RIBC1: variants seen among roughly 807,000 people sequenced by gnomAD.
RIBC1 encodes the protein RIB43A-like with coiled-coils protein 1.
In RIBC1, 12 loss-of-function variants were observed where a neutral mutation model predicts 33.7. The observed-to-expected ratio is 0.36, with a 90% confidence interval of 0.23 to 0.58. The LOEUF (loss-of-function observed/expected upper bound fraction) is 0.58. Ranked by LOEUF, RIBC1 falls within the 20% of genes least tolerant of loss-of-function variation. The pLI is 0.81. For synonymous variants in RIBC1, 89 were observed against 109.0 expected (o/e 0.82, Z 1.14); for missense variants, 242 against 311.6 (o/e 0.78, Z 1.68).
intron 3 of RIBC1, among the ~76,000 whole-genome samples, chrX:53,427,146 T>G (rs1308308161): frequency 8.9e-6 from 1 of 112,509 alleles, no homozygotes; most frequent in African/African-American, 3.2e-5. Context: ...GAGAAAATAT[T>G]GATAGTTTAA....
rs1423800723 is a variant in RIBC1, at chrX:53,423,376, C to G, written c.-27C>G. On this transcript the variant is annotated 5_prime_UTR_variant, in exon 2 of 8. Transcript: ENST00000375327. Reference sequence around the variant, plus strand: ...GCATGCAGAGCCAACCTAAGAGCTTCAAAATCGGGATTCCTTACTGAGAAA... The same window carrying G: ...GCATGCAGAGCCAACCTAAGAGCTTGAAAATCGGGATTCCTTACTGAGAAA... 8.9e-6 allele frequency: 1 copy of G among 112,098 alleles called. No individual in the cohort carries two copies. The highest frequency in any genetic ancestry group is 1.9e-5 in the Non-Finnish European group (1 of 53,192). The allele number at this position is 112,098 out of a possible 1,213,427, so 9.2% of individuals were successfully genotyped here.
At chrX:53,428,949 G>T in intron 5 of RIBC1, 1 of 502,049 alleles carries the variant, frequency 2.0e-6, no homozygotes, top group African/African-American at 2.3e-5. Flanking sequence ...TCTTTAAAAT[G>T]AGAATAATAA....
At position 53,428,438 on chromosome X, in the gene RIBC1, G is replaced by A; in HGVS notation, c.355G>A (p.Val119Ile). Residue 119 changes from valine (V) to isoleucine (I), a missense_variant, in exon 5 of 8, where the codon GTC becomes ATC. Physicochemically the swap from Val to Ile is conservative, Grantham distance 29. Coordinates refer to ENST00000375327, the MANE Select transcript of RIBC1 (RefSeq NM_001031745.5). ...REFSLWDPGQVWKGLPTYLSY... is the reference protein window; with the variant it reads ...REFSLWDPGQIWKGLPTYLSY... ...ATTTAGTCTTTGGGATCCAGGCCAA[G>A]TCTGGAAGGGGCTTCCAACCTATCT... The A allele has an allele frequency of 8.3e-7, 1 of 1,211,005 alleles. No individual in the cohort carries two copies. Among genetic ancestry groups the A allele is most frequent in the Non-Finnish European group, 1.1e-6 (1 of 895,006 alleles).
In RIBC1 at chrX:53,430,738, C is replaced by G; in HGVS notation, c.1006C>G (p.Gln336Glu). ...EQERELCAVF[Q>E]RGLGSFNQQL... ...GGAGAGGGAATTGTGTGCTGTATTT[C>G]AAAGGGGTCTAGGATCCTTCAACCA... Residue 336 changes from glutamine (Q) to glutamate (E), a missense_variant, in exon 7 of 8, where the codon CAA becomes GAA. Coordinates refer to ENST00000375327, the MANE Select transcript of RIBC1 (RefSeq NM_001031745.5). 8.3e-7 allele frequency: 1 copy of G among 1,204,329 alleles called. No individual in the cohort carries two copies. Among genetic ancestry groups the G allele is most frequent in the Non-Finnish European group, 1.1e-6 (1 of 891,386 alleles).
chrX:53,426,373 G>T lies in RIBC1; in HGVS notation c.97G>T (p.Val33Leu). Residue 33 changes from valine to leucine, a missense_variant, in exon 3 of 8, where the codon GTG becomes TTG. Val to Leu is a conservative substitution (Grantham distance 32, BLOSUM62 1). Transcript: ENST00000375327. The part of the protein sequence containing the change: ...EKERQNRFFN[V>L]RNRVMGVDVQ... ...AGAGCGACAAAACCGATTCTTCAATGTGCGGAACCGAGTCATGGGGGTGAG... is the reference window on the plus strand; with the variant it reads ...AGAGCGACAAAACCGATTCTTCAATTTGCGGAACCGAGTCATGGGGGTGAG... 1 of 1,196,576 alleles carries T rather than the reference G, an allele frequency of 8.4e-7. No individual in the cohort carries two copies. Among genetic ancestry groups the T allele is most frequent in the Non-Finnish European group, 1.1e-6 (1 of 884,240 alleles).
Position 53,428,633 on chromosome X carries a change from C to T in RIBC1, c.544+6C>T, listed in dbSNP as rs2075805183. 1.7e-6 allele frequency: 2 copies of T among 1,206,955 alleles called. No homozygotes were observed. The highest frequency in any genetic ancestry group is 1.8e-5 in the South Asian group (1 of 56,368). ...GGTTGATGAGAATTATACAGGTAAG[C>T]AGCCCGGCCCTCCAGACTCAGAGAC... On this transcript the variant is annotated splice_donor_region_variant and intron_variant, in intron 5 of 7. Coordinates refer to ENST00000375327, the MANE Select transcript of RIBC1 (RefSeq NM_001031745.5).
At chrX:53,429,562 G>C (rs1334833737) in intron 5 of RIBC1, 7 of 451,918 alleles carry the variant, frequency 1.5e-5, no homozygotes, top group African/African-American at 1.5e-4. Context: ...CCCAGCACAT[G>C]GCCCTTAGAC....
chrX:53,425,299 C>G (rs2075784953), intron 2 of RIBC1, among the ~76,000 whole-genome samples: 1 of 109,590 alleles, frequency 9.1e-6, no homozygotes, highest in Non-Finnish European at 1.9e-5. Flanking sequence ...CTTGAAAGCC[C>G]ACAGTAAGGA....
At chrX:53,427,772 T>A in intron 3 of RIBC1, among the ~76,000 whole-genome samples, 1 of 111,970 alleles carries the variant, frequency 8.9e-6, no homozygotes, top group Non-Finnish European at 1.9e-5. Flanking sequence ...CAGGGAACTG[T>A]AAGCACAGCT....
chrX:53,426,977 C>A (rs2075795332), intron 3 of RIBC1, among the ~76,000 whole-genome samples: 1 of 111,977 alleles, frequency 8.9e-6, no homozygotes, highest in Non-Finnish European at 1.9e-5. Context: ...CAGTGAGACC[C>A]TGTCTCAAAA....
At position 53,430,567 on chromosome X, in the gene RIBC1, C is replaced by A. The variant is rs1556894151; in HGVS notation, c.835C>A (p.Pro279Thr). The change falls in exon 7 of 8, where the codon CCA becomes ACA. Residue 279 changes from proline to threonine, a missense_variant. By Grantham distance (38) the Pro-to-Thr change is conservative. Transcript: ENST00000375327. ...VLPYCWKGMTPEQQAAIRKEQ... is the reference protein window; with the variant it reads ...VLPYCWKGMTTEQQAAIRKEQ... Reference sequence around the variant, plus strand: ...GCCCTATTGCTGGAAGGGCATGACTCCAGAGCAGCAAGCTGCCATCAGGAA... The same window carrying A: ...GCCCTATTGCTGGAAGGGCATGACTACAGAGCAGCAAGCTGCCATCAGGAA... The A allele has an allele frequency of 8.3e-7, 1 of 1,207,095 alleles. No homozygotes were observed. The highest frequency in any genetic ancestry group is 1.8e-5 in the South Asian group (1 of 56,195).
intron 5 of RIBC1, 142 bp from the exon 6 acceptor site, chrX:53,429,712 C>T (rs1343162170): frequency 1.9e-6 from 2 of 1,058,811 alleles, no homozygotes; most frequent in Non-Finnish European, 2.5e-6. Flanking sequence ...TAGTTCCTTC[C>T]ACATCCCTAC....
intron 2 of RIBC1, 45 bp from the exon 3 acceptor site, chrX:53,426,232 C>A (rs782069289): frequency 2.4e-6 from 2 of 843,483 alleles, no homozygotes; most frequent in Non-Finnish European, 3.5e-6. Context: ...TAGTCAAAGA[C>A]GGTGGTCGGC....
rs782251791 is a variant in RIBC1 at position 53,429,857 on chromosome X, C to T, written c.548C>T (p.Ala183Val). The change falls in exon 6 of 8, where the codon GCG (alanine) becomes GTG (valine). Residue 183 changes from alanine (A) to valine (V), a missense_variant. Ala to Val is a moderately conservative substitution (Grantham distance 64). Coordinates refer to ENST00000375327, the MANE Select transcript of RIBC1 (RefSeq NM_001031745.5). ...CCGGCCATATTTCTCTGTGTAGATG[C>T]GCTCAGTAACCAGCTGCGCCTCGCC... is the stretch of plus-strand genomic sequence containing the variant. ...QAKVDENYTDALSNQLRLAMD... is the reference protein window; with the variant it reads ...QAKVDENYTDVLSNQLRLAMD... 22 of 1,187,850 alleles carry T rather than the reference C, an allele frequency of 1.9e-5. No homozygotes were observed. The East Asian group carries it at 2.4e-4, about 13-fold the overall frequency.
rs145798470 is a variant in RIBC1 at position 53,430,605 on chromosome X, A to G, written c.873A>G (p.Val291=). Residue 291 remains valine, a synonymous_variant, in exon 7 of 8, where the codon GTA becomes GTG. Transcript: ENST00000375327. ...CTGCCATCAGGAAAGAGCAGGAAGT[A>G]CAACGCTCTAAGAAGCAAGCACACC... ...QQAAIRKEQE[V]QRSKKQAHRQ... 84 of 1,203,785 alleles carry G rather than the reference A, an allele frequency of 7.0e-5. No individual in the cohort carries two copies. The highest frequency in any genetic ancestry group is 6.7e-6 in the Non-Finnish European group (6 of 891,496).
At chrX:53,424,969 G>A (rs977532629) in intron 2 of RIBC1, among the ~76,000 whole-genome samples, 1 of 110,813 alleles carries the variant, frequency 9.0e-6, no homozygotes, top group Non-Finnish European at 1.9e-5. Flanking sequence ...CAAGGAGGGT[G>A]GATCATAAGG....
At chrX:53,428,215 G>C in intron 4 of RIBC1, 68 bp from the exon 5 acceptor site, 1 of 1,200,701 alleles carries the variant, frequency 8.3e-7, no homozygotes, top group East Asian at 3.0e-5. Context: ...CTTGAGAGTA[G>C]AGGACATGCT....
intron 2 of RIBC1, among the ~76,000 whole-genome samples, chrX:53,425,661 C>T (rs782103856): frequency 1.3e-4 from 14 of 110,164 alleles, no homozygotes; most frequent in Non-Finnish European, 2.3e-4. Context: ...ATTCAGGAAG[C>T]TGGCAATGGT....
Position 53,431,015 on chromosome X carries a change from T to G in RIBC1, c.*27T>G, listed in dbSNP as rs782274754. Reference sequence around the variant, plus strand: ...TTCAGGATGTCTATCTCTCTCTCCCTTCTCCTCCATCAAGCTCACAGGTGG... The same window carrying G: ...TTCAGGATGTCTATCTCTCTCTCCCGTCTCCTCCATCAAGCTCACAGGTGG... On this transcript the variant is annotated 3_prime_UTR_variant, in exon 8 of 8. Coordinates refer to ENST00000375327, the MANE Select transcript of RIBC1 (RefSeq NM_001031745.5). The G allele has an allele frequency of 6.6e-6, 8 of 1,211,445 alleles. No homozygotes were observed. Among genetic ancestry groups the G allele is most frequent in the Admixed American group, 4.3e-5 (2 of 46,019 alleles).
Sources: gnomAD v4.1 joint callset for allele counts (sites outside exome capture counted in the v4.1 genomes callset) on GRCh38, gnomAD v4.1.1 for gene constraint, MANE v1.5 for transcripts, NCBI Gene and HGNC (gene_info 2026-07-23, HGNC 2026-07-21) for gene names.